PHACTR3: variants seen among roughly 807,000 people sequenced by gnomAD.
PHACTR3 encodes the protein protein phosphatase 1, regulatory subunit 123.
A neutral mutation model predicts 66.8 loss-of-function variants in PHACTR3; 16 were observed. The ratio of observed to expected loss-of-function variants is 0.24; its 90% CI spans 0.16 to 0.36. PHACTR3 has a LOEUF of 0.36. Ranked by LOEUF, PHACTR3 falls within the 10% of genes least tolerant of loss-of-function variation. PHACTR3 has a pLI of 1.00. For missense variants in PHACTR3, 647 were observed against 719.9 expected, an observed-to-expected ratio of 0.90 and a Z score of 1.16; for synonymous variants, 323 against 292.1, an observed-to-expected ratio of 1.11 and a Z score of -1.08.
rs750369367 is a variant in PHACTR3 at position 59,743,148 on chromosome 20, G to A, written c.160G>A (p.Val54Ile). 6.2e-7 allele frequency: 1 copy of A among 1,614,090 alleles called. No homozygotes were observed. Among genetic ancestry groups the A allele is most frequent in the Middle Eastern group, 1.7e-4 (1 of 6,060 alleles). ...GCCCCCGGCGCGTCCTGAATATCTG[G>A]TCTCAGGGATTCGAACTCCCCCTGT... is the stretch of plus-strand genomic sequence containing the variant. ...QTPPARPEYLVSGIRTPPVRR... is the reference protein window; with the variant it reads ...QTPPARPEYLISGIRTPPVRR... The change falls in exon 2 of 13, where the codon GTC becomes ATC. Residue 54 changes from valine (V) to isoleucine (I), a missense_variant. By Grantham distance (29) the Val-to-Ile change is conservative (BLOSUM62 3). Coordinates refer to ENST00000371015, the MANE Select transcript of PHACTR3 (RefSeq NM_080672.5).
chr20:59,835,451 T>A (rs1226179188), intron 8 of PHACTR3, among the ~76,000 whole-genome samples: 2 of 152,082 alleles, frequency 1.3e-5, no homozygotes, highest in East Asian at 3.9e-4. Context: ...GGACAAGGAT[T>A]ATAAATAGGA....
At chr20:59,719,252 A>T (rs899106758) in intron 1 of PHACTR3, among the ~76,000 whole-genome samples, 1 of 151,168 alleles carries the variant, frequency 6.6e-6, no homozygotes. Context: ...TATAACTTCC[A>T]CCTCCCGGGT....
At chr20:59,679,241 T>C (rs2036561216) in intron 1 of PHACTR3, among the ~76,000 whole-genome samples, 1 of 152,140 alleles carries the variant, frequency 6.6e-6, no homozygotes, top group Admixed American at 6.5e-5. Flanking sequence ...AGAGGATGGC[T>C]CCTGACAGTG....
chr20:59,584,787 G>T (rs1017818809), intron 1 of PHACTR3, among the ~76,000 whole-genome samples: 13 of 152,150 alleles, frequency 8.5e-5, no homozygotes, highest in African/African-American at 2.9e-4. Context: ...TCAAGGCCCA[G>T]CAGCGAGACC....
At chr20:59,779,662 C>T (rs1440751922) in intron 7 of PHACTR3, among the ~76,000 whole-genome samples, 1 of 152,198 alleles carries the variant, frequency 6.6e-6, no homozygotes, top group African/African-American at 2.4e-5. Flanking sequence ...TTGTCTTATC[C>T]CATGTGAAAA....
At chr20:59,673,752 A>T (rs558207288) in intron 1 of PHACTR3, among the ~76,000 whole-genome samples, 3 of 151,988 alleles carry the variant, frequency 2.0e-5, no homozygotes, top group Admixed American at 6.5e-5. Context: ...TCAGTGCCTC[A>T]GAGCTGCAGA....
At chr20:59,634,928 G>A (rs988371743) in intron 1 of PHACTR3, among the ~76,000 whole-genome samples, 2 of 151,980 alleles carry the variant, frequency 1.3e-5, no homozygotes, top group Non-Finnish European at 2.9e-5. Context: ...CAACCACATC[G>A]GGCAGTGCAG....
chr20:59,764,637 G>T (rs1311873132), intron 4 of PHACTR3, among the ~76,000 whole-genome samples: 1 of 152,134 alleles, frequency 6.6e-6, no homozygotes, highest in Non-Finnish European at 1.5e-5. Flanking sequence ...ATTGAGGCCG[G>T]GTGAGCCAGT....
Position 59,696,173 on chromosome 20 carries a change from C to T in PHACTR3, c.119-46934C>T, listed in dbSNP as rs1044850213. Among the ~76,000 whole-genome samples, 3 of 152,206 alleles carry T rather than the reference C, an allele frequency of 2.0e-5. No homozygotes were observed. The East Asian group carries it at 5.8e-4, about 29-fold the overall frequency. ...CAAGTTTTACTTAGAGAGCAGTGCT[C>T]TGCATGCTTTGGTGCTAGCACACAA... On this transcript the variant is annotated intron_variant, in intron 1 of 12. Coordinates refer to ENST00000371015, the MANE Select transcript of PHACTR3 (RefSeq NM_080672.5).
At chr20:59,811,247 A>T (rs540261797) in intron 8 of PHACTR3, among the ~76,000 whole-genome samples, 5 of 152,290 alleles carry the variant, frequency 3.3e-5, no homozygotes, top group African/African-American at 1.2e-4. Flanking sequence ...CTCCTTGTTT[A>T]TCTTAGGCAT....
At chr20:59,655,960 T>G (rs2035608357) in intron 1 of PHACTR3, among the ~76,000 whole-genome samples, 1 of 151,896 alleles carries the variant, frequency 6.6e-6, no homozygotes, top group Non-Finnish European at 1.5e-5. Context: ...CCCCTAAGTT[T>G]CTTTCTGTTA....
At chr20:59,751,233 G>A (rs1207423256) in intron 3 of PHACTR3, among the ~76,000 whole-genome samples, 6 of 152,236 alleles carry the variant, frequency 3.9e-5, no homozygotes, top group Middle Eastern at 3.4e-3. Context: ...TTCAGCCACC[G>A]CCTTCCACTG....
At chr20:59,675,259 G>A (rs943383036) in intron 1 of PHACTR3, among the ~76,000 whole-genome samples, 16 of 151,064 alleles carry the variant, frequency 1.1e-4, no homozygotes, top group African/African-American at 3.2e-4. Context: ...TAGGAACTTT[G>A]GGTAGCTCTC....
At chr20:59,767,533 G>T (rs2040220442) in intron 5 of PHACTR3, 138 bp downstream of exon 5, 2 of 1,047,184 alleles carry the variant, frequency 1.9e-6, no homozygotes, top group African/African-American at 1.6e-5. Flanking sequence ...CCTTCAACCA[G>T]TCTTGATTGG....
chr20:59,622,995 A>AAAAAAAAAAAAAAAAAAAAAC (rs1176671091), intron 1 of PHACTR3, among the ~76,000 whole-genome samples: 5 of 146,892 alleles, frequency 3.4e-5, no homozygotes, highest in Non-Finnish European at 3.0e-5. Flanking sequence ...AAAAAAAAAA[A>AAAAAAAAAAAAAAAAAAAAAC]AAAAAACCCA....
rs543529110 is a variant in PHACTR3, at chr20:59,830,093, A to G, written c.1329-6412A>G. Reference sequence around the variant, plus strand: ...AAACTGGTACAAACTTGGCACTGAGACGGCGTCTGATGGGAGAAGAGGGGG... The same window carrying G: ...AAACTGGTACAAACTTGGCACTGAGGCGGCGTCTGATGGGAGAAGAGGGGG... On this transcript the variant is annotated intron_variant, in intron 8 of 12. Coordinates refer to ENST00000371015, the MANE Select transcript of PHACTR3 (RefSeq NM_080672.5). This position sits in a 1 kb window ranked among gnomAD's most constrained non-coding sequence, Gnocchi z 5.8. 6.6e-6 allele frequency among the ~76,000 whole-genome samples: 1 copy of G among 152,156 alleles called. No individual in the cohort carries two copies. The highest frequency in any genetic ancestry group is 2.4e-5 in the African/African-American group (1 of 41,426).
Position 59,714,207 on chromosome 20 carries a change from A to G in PHACTR3, c.119-28900A>G, listed in dbSNP as rs116446025. On this transcript the variant is annotated intron_variant, in intron 1 of 12. Coordinates refer to ENST00000371015, the MANE Select transcript of PHACTR3 (RefSeq NM_080672.5). ...ATTATATATTTTCAGGAAAAGAAAT[A>G]TTTAATTTTAATGTAGGTCCATTTA... Among the ~76,000 whole-genome samples, 664 of 152,332 alleles carry G rather than the reference A, an allele frequency of 4.4e-3. 4 individuals carry two copies. The highest frequency in any genetic ancestry group is 0.015 in the African/African-American group (614 of 41,570).
intron 1 of PHACTR3, among the ~76,000 whole-genome samples, chr20:59,581,489 C>A (rs1300051622): frequency 6.6e-6 from 1 of 152,208 alleles, no homozygotes; most frequent in East Asian, 1.9e-4. Context: ...AGCTGTCACC[C>A]CATTACTTTA....
At chr20:59,634,458 G>A (rs918119806) in intron 1 of PHACTR3, among the ~76,000 whole-genome samples, 3 of 152,194 alleles carry the variant, frequency 2.0e-5, no homozygotes, top group African/African-American at 4.8e-5. Flanking sequence ...AGTGTTGGCC[G>A]TGAACGGTGG....
Sources: allele counts gnomAD v4.1 joint callset (sites outside exome capture counted in the v4.1 genomes callset), GRCh38; gene constraint gnomAD v4.1.1; non-coding constraint Gnocchi (gnomAD v3.1); transcripts MANE v1.5; gene names NCBI Gene and HGNC (gene_info 2026-07-23, HGNC 2026-07-21).